HPSE2: variants seen among roughly 807,000 people sequenced by gnomAD.
The protein encoded by HPSE2 is inactive heparanase-2.
HPSE2 carries 38 observed loss-of-function variants against 60.5 expected under a neutral mutation model. The ratio of observed to expected loss-of-function variants is 0.63; its 90% CI spans 0.48 to 0.82. The LOEUF (loss-of-function observed/expected upper bound fraction) is 0.82. HPSE2 is among the 40% of genes least tolerant of loss of function. The pLI, the probability that HPSE2 is intolerant of heterozygous loss-of-function variation, is 0.00. For synonymous variants in HPSE2, 295 were observed against 293.2 expected (o/e 1.01, Z -0.06); for missense variants, 713 against 740.4 (o/e 0.96, Z 0.43).
At chr10:98,873,786 C>T (rs908091172) in intron 3 of HPSE2, among the ~76,000 whole-genome samples, 3 of 152,072 alleles carry the variant, frequency 2.0e-5, no homozygotes, top group African/African-American at 4.8e-5. Context: ...TGAGGAATCA[C>T]CATACTGTCT....
intron 6 of HPSE2, among the ~76,000 whole-genome samples, chr10:98,687,775 T>G (rs1589639705): frequency 6.6e-6 from 1 of 152,306 alleles, no homozygotes; most frequent in African/African-American, 2.4e-5. Flanking sequence ...CTCACCAGCT[T>G]TTTATGATAA....
intron 3 of HPSE2, among the ~76,000 whole-genome samples, chr10:99,109,461 A>G (rs1306765770): frequency 6.6e-6 from 1 of 152,198 alleles, no homozygotes; most frequent in East Asian, 1.9e-4. Flanking sequence ...AGCAAACAAA[A>G]GAGTCATTCC....
chr10:98,696,521 ATG>A, intron 5 of HPSE2, among the ~76,000 whole-genome samples: 1 of 152,140 alleles, frequency 6.6e-6, no homozygotes, highest in East Asian at 1.9e-4. Context: ...GCCTGGGAAA[ATG>A]TGCTTTTTCC....
At chr10:98,792,883 CAGA>C (rs1318047635) in intron 3 of HPSE2, among the ~76,000 whole-genome samples, 2 of 152,098 alleles carry the variant, frequency 1.3e-5, no homozygotes, top group Non-Finnish European at 2.9e-5. Flanking sequence ...TTGAAAAGGT[CAGA>C]AGAAGATGAA....
intron 2 of HPSE2, among the ~76,000 whole-genome samples, chr10:99,161,035 A>G (rs1024026265): frequency 6.6e-6 from 1 of 151,974 alleles, no homozygotes; most frequent in Non-Finnish European, 1.5e-5. Flanking sequence ...AGCCTGGGCA[A>G]CATAAGGAGT....
At chr10:98,884,374 A>T (rs768478686) in intron 3 of HPSE2, among the ~76,000 whole-genome samples, 1 of 152,178 alleles carries the variant, frequency 6.6e-6, no homozygotes, top group Non-Finnish European at 1.5e-5. Context: ...GACGTAGTTG[A>T]AACAGCCTTC....
At position 98,983,448 on chromosome 10, in the gene HPSE2, C is replaced by T. The variant is rs546324296; in HGVS notation, c.610+160790G>A. 8.1e-4 allele frequency among the ~76,000 whole-genome samples: 123 copies of T among 152,254 alleles called. 3 individuals carry two copies. The South Asian group carries it at 0.023, about 29-fold the overall frequency. Reference sequence around the variant, plus strand: ...AAGCAGGCTTTTCAGTGATTTTTTGCCAATCTCGGGATATTCCACTTTGAC... The same window carrying T: ...AAGCAGGCTTTTCAGTGATTTTTTGTCAATCTCGGGATATTCCACTTTGAC... On this transcript the variant is annotated intron_variant, in intron 3 of 11. Coordinates refer to ENST00000370552, the MANE Select transcript of HPSE2 (RefSeq NM_021828.5).
intron 9 of HPSE2, among the ~76,000 whole-genome samples, chr10:98,519,776 A>G (rs908621679): frequency 7.2e-5 from 11 of 152,234 alleles, no homozygotes; most frequent in Admixed American, 7.2e-4. Context: ...TTTTCTTGAC[A>G]GTCACTCTGG....
chr10:98,508,274 TC>T (rs1942267893), intron 9 of HPSE2, among the ~76,000 whole-genome samples: 1 of 152,194 alleles, frequency 6.6e-6, no homozygotes, highest in South Asian at 2.1e-4. Context: ...TTAGTATTTG[TC>T]AAAAAGTCAA....
At chr10:99,041,987 T>C (rs888994856) in intron 3 of HPSE2, among the ~76,000 whole-genome samples, 6 of 152,178 alleles carry the variant, frequency 3.9e-5, no homozygotes, top group African/African-American at 9.7e-5. Context: ...CACACATATT[T>C]GTACACACAG....
intron 3 of HPSE2, among the ~76,000 whole-genome samples, chr10:98,960,746 T>TTA (rs1955653246): frequency 1.5e-5 from 2 of 129,860 alleles, no homozygotes; most frequent in African/African-American, 5.7e-5. Context: ...TTTTATTTTT[T>TTA]TTTTTATTAT....
At chr10:98,849,752 A>G (rs898775388) in intron 3 of HPSE2, among the ~76,000 whole-genome samples, 4 of 148,800 alleles carry the variant, frequency 2.7e-5, no homozygotes, top group Non-Finnish European at 4.5e-5. Flanking sequence ...AAGCTCCTCG[A>G]TTTTTTTTTT....
intron 3 of HPSE2, among the ~76,000 whole-genome samples, chr10:99,119,325 A>G (rs1248025227): frequency 6.6e-6 from 1 of 152,200 alleles, no homozygotes; most frequent in Non-Finnish European, 1.5e-5. Flanking sequence ...TAAATCAGGA[A>G]TGCAATCCCA....
intron 3 of HPSE2, among the ~76,000 whole-genome samples, chr10:99,066,558 A>G (rs1003407178): frequency 1.3e-5 from 2 of 152,184 alleles, no homozygotes; most frequent in South Asian, 2.1e-4. Context: ...CATGTTTTAC[A>G]TGGTGGCAGG....
chr10:98,640,898 G>A lies in HPSE2; in HGVS notation c.1098+949C>T, dbSNP rs572858095. On this transcript the variant is annotated intron_variant, in intron 7 of 11. Transcript: ENST00000370552. ...GATGATTAAAAATAGAGACCTCTGG[G>A]AGCCACTCCAGCCATATTAAATCAG... 5.3e-5 allele frequency among the ~76,000 whole-genome samples: 8 copies of A among 152,236 alleles called. No individual in the cohort carries two copies. In the South Asian group the frequency reaches 1.7e-3, roughly 32 times the overall value.
At chr10:98,601,905 CA>C (rs1387230488) in intron 9 of HPSE2, among the ~76,000 whole-genome samples, 1 of 152,146 alleles carries the variant, frequency 6.6e-6, no homozygotes, top group African/African-American at 2.4e-5. Context: ...CTTGAAGCAG[CA>C]AAGGCAAACT....
chr10:98,627,845 C>T (rs546102839), intron 7 of HPSE2, among the ~76,000 whole-genome samples: 2 of 152,234 alleles, frequency 1.3e-5, no homozygotes, highest in African/African-American at 2.4e-5. Flanking sequence ...TTCCTTCAGA[C>T]GTAGGACTTG....
At chr10:98,999,790 G>T (rs1956735435) in intron 3 of HPSE2, among the ~76,000 whole-genome samples, 1 of 152,104 alleles carries the variant, frequency 6.6e-6, no homozygotes. Context: ...TCCAAAGATA[G>T]GCCTGGACAA....
intron 3 of HPSE2, among the ~76,000 whole-genome samples, chr10:98,778,459 A>T (rs1165001751): frequency 6.6e-6 from 1 of 151,948 alleles, no homozygotes; most frequent in Non-Finnish European, 1.5e-5. Context: ...ATATCTACAC[A>T]GTTAGTGCGG....
Sources: allele counts gnomAD v4.1 joint callset (sites outside exome capture counted in the v4.1 genomes callset), GRCh38; gene constraint gnomAD v4.1.1; transcripts MANE v1.5; gene names NCBI Gene and HGNC (gene_info 2026-07-23, HGNC 2026-07-21).